The following AKAP6 variants were observed in gnomAD, a reference collection of about 807,000 sequenced individuals.
AKAP6 encodes A-kinase anchor protein 6.
In AKAP6, 58 loss-of-function variants were observed where a neutral mutation model predicts 188.5. The ratio of observed to expected loss-of-function variants is 0.31; its 90% CI spans 0.25 to 0.38. The LOEUF is 0.38. Among genes scored for constraint, AKAP6 ranks in the 10% least tolerant of loss-of-function variants. AKAP6 has a pLI of 1.00. For synonymous variants in AKAP6, 989 were observed against 998.6 expected (o/e 0.99, Z 0.18); for missense variants, 2,710 against 2,740.0 (o/e 0.99, Z 0.24).
chr14:32,819,166 C>T (rs1311959679), intron 12 of AKAP6, among the ~76,000 whole-genome samples: 1 of 152,100 alleles, frequency 6.6e-6, no homozygotes, highest in Non-Finnish European at 1.5e-5. Context: ...GTAACATTGG[C>T]AGTGGGAAAG....
intron 2 of AKAP6, among the ~76,000 whole-genome samples, chr14:32,510,449 TACATATATATGTGTATATATATATATAC>T (rs1881180132): frequency 1.9e-4 from 4 of 21,502 alleles, no homozygotes; most frequent in African/African-American, 8.9e-4. Context: ...TATATATATA[TACATATATATGTGTATATATATATATAC>T]ATATATATAT....
Position 32,546,095 on chromosome 14 carries a change from G to A in AKAP6, c.1442G>A (p.Ser481Asn), listed in dbSNP as rs1165691282. 6.2e-7 allele frequency: 1 copy of A among 1,614,158 alleles called. No individual in the cohort carries two copies. Among genetic ancestry groups the A allele is most frequent in the East Asian group, 2.2e-5 (1 of 44,882 alleles). Residue 481 changes from serine (S) to asparagine (N), a missense_variant, in exon 4 of 14, where the codon AGC becomes AAC. By Grantham distance (46) the Ser-to-Asn change is conservative. Around this residue, in one of 2 missense-constraint regions of AKAP6, gnomAD observed 2,473 missense variants for 2,426.1 expected, o/e 1.02. Transcript: ENST00000280979. ...TTTCACATTAAAGAAATTTCTTCCA[G>A]CCTGGGAAGGCTTAACGACTGCTAT... ...VKFHIKEISS[S>N]LGRLNDCYKE...
chr14:32,643,904 A>G (rs1173792937), intron 7 of AKAP6, among the ~76,000 whole-genome samples: 1 of 152,162 alleles, frequency 6.6e-6, no homozygotes, highest in Non-Finnish European at 1.5e-5. Context: ...TTAGGATTCA[A>G]TCTGTAGGCT....
At chr14:32,348,286 A>T (rs1275648493) in intron 1 of AKAP6, among the ~76,000 whole-genome samples, 1 of 152,226 alleles carries the variant, frequency 6.6e-6, no homozygotes, top group African/African-American at 2.4e-5. Context: ...CCAGTGTAAA[A>T]TTAGCACATT....
intron 11 of AKAP6, among the ~76,000 whole-genome samples, chr14:32,760,522 T>C (rs1050600144): frequency 1.3e-5 from 2 of 152,192 alleles, no homozygotes; most frequent in Non-Finnish European, 2.9e-5. Context: ...TTCTCAGATA[T>C]TCAAATAAAA....
At chr14:32,770,950 T>A (rs1299009277) in intron 11 of AKAP6, among the ~76,000 whole-genome samples, 1 of 152,192 alleles carries the variant, frequency 6.6e-6, no homozygotes, top group Non-Finnish European at 1.5e-5. Flanking sequence ...TTAGGTTACT[T>A]ACCTTGAGTT....
intron 7 of AKAP6, among the ~76,000 whole-genome samples, chr14:32,610,249 G>C (rs1886299482): frequency 6.6e-6 from 1 of 152,084 alleles, no homozygotes; most frequent in Non-Finnish European, 1.5e-5. Context: ...CAAGGGAAAG[G>C]ACAAACTTCT....
intron 9 of AKAP6, among the ~76,000 whole-genome samples, chr14:32,724,042 A>G (rs2030709886): frequency 6.7e-6 from 1 of 148,814 alleles, no homozygotes; most frequent in Non-Finnish European, 1.5e-5. Context: ...AAATCAACGA[A>G]CATTACAAAT....
intron 4 of AKAP6, among the ~76,000 whole-genome samples, chr14:32,570,097 AC>A (rs1884407711): frequency 8.1e-6 from 1 of 123,816 alleles, no homozygotes; most frequent in African/African-American, 3.0e-5. Context: ...ATTTGCTGCC[AC>A]CCCCTATATT....
chr14:32,689,157 G>A (rs932589661), intron 8 of AKAP6, among the ~76,000 whole-genome samples: 8 of 152,192 alleles, frequency 5.3e-5, no homozygotes, highest in African/African-American at 1.9e-4. Context: ...AATGTTTTCT[G>A]TTTCCCTGGC....
rs777993964 is a variant in AKAP6, at chr14:32,773,946, A to T, written c.3588+53A>T. 44 of 1,554,906 alleles carry T rather than the reference A, an allele frequency of 2.8e-5. No individual in the cohort carries two copies. The South Asian group carries it at 3.4e-4, about 12-fold the overall frequency. ...TGTCTGTCATTTTCTCAGACAAAAA[A>T]TAATTCTTTCAGGCTTGGAAACGGT... On this transcript the variant is annotated intron_variant, in intron 12 of 13. Transcript: ENST00000280979.
At chr14:32,445,051 T>G (rs976429680) in intron 2 of AKAP6, among the ~76,000 whole-genome samples, 1 of 152,216 alleles carries the variant, frequency 6.6e-6, no homozygotes, top group African/African-American at 2.4e-5. Flanking sequence ...AGTGCAGTGT[T>G]TACTTCTGTT....
At chr14:32,741,952 T>G (rs2031699567) in intron 11 of AKAP6, among the ~76,000 whole-genome samples, 1 of 151,660 alleles carries the variant, frequency 6.6e-6, no homozygotes, top group African/African-American at 2.4e-5. Context: ...GGATTGGTAT[T>G]AGTTTCTCTT....
chr14:32,527,635 T>A (rs1308249437), intron 2 of AKAP6, among the ~76,000 whole-genome samples: 1 of 152,236 alleles, frequency 6.6e-6, no homozygotes, highest in Admixed American at 6.5e-5. Context: ...ATTCTAATGA[T>A]TATGTAATGG....
rs1021545255 is a variant in AKAP6 at position 32,665,460 on chromosome 14, C to T, written c.2731-12851C>T. On this transcript the variant is annotated intron_variant, in intron 7 of 13. Transcript: ENST00000280979. The stretch of plus-strand genomic sequence containing the variant: ...GATACAGATGAAGAGATGCATAGGG[C>T]GAGAAATAGGGTAAGGGGCACAGGG... Among the ~76,000 whole-genome samples, 6 of 152,010 alleles carry T rather than the reference C, an allele frequency of 3.9e-5. No homozygotes were observed. In the East Asian group the frequency reaches 5.8e-4, roughly 15 times the overall value.
In AKAP6 at chr14:32,509,120, CTTTTTT is replaced by C. The variant is rs368423502; in HGVS notation, c.325-26415_325-26410del. Among the ~76,000 whole-genome samples, 679 of 94,766 alleles carry C rather than the reference CTTTTTT, an allele frequency of 7.2e-3. 5 individuals are homozygous for C. Among genetic ancestry groups the C allele is most frequent in the African/African-American group, 0.024 (575 of 23,790 alleles). The allele number at this position is 94,766 out of a possible 152,430, so 62.2% of individuals were successfully genotyped here. Reference sequence around the variant, plus strand: ...AGGCGTAAGCCACCATGCCCTGCCTCTTTTTTTTTTTTTTTTTTTTTTTTGAGAGAG... The same window carrying C: ...AGGCGTAAGCCACCATGCCCTGCCTCTTTTTTTTTTTTTTTTTTGAGAGAG... On this transcript the variant is annotated intron_variant, in intron 2 of 13. Coordinates refer to ENST00000280979, the MANE Select transcript of AKAP6 (RefSeq NM_004274.5).
chr14:32,464,782 A>G (rs926980232), intron 2 of AKAP6, among the ~76,000 whole-genome samples: 1 of 152,206 alleles, frequency 6.6e-6, no homozygotes, highest in African/African-American at 2.4e-5. Flanking sequence ...AGGGTATTCA[A>G]TTAGGAAATG....
At chr14:32,814,887 C>T (rs1176564395) in intron 12 of AKAP6, among the ~76,000 whole-genome samples, 2 of 152,158 alleles carry the variant, frequency 1.3e-5, no homozygotes, top group Non-Finnish European at 2.9e-5. Flanking sequence ...TGCCACCATG[C>T]CTGGGCAATC....
intron 2 of AKAP6, among the ~76,000 whole-genome samples, chr14:32,521,742 C>T (rs1206988469): frequency 1.3e-5 from 2 of 152,126 alleles, no homozygotes; most frequent in Admixed American, 6.5e-5. Context: ...GAATCAATAT[C>T]CTGAAAATGG....
Sources: allele counts gnomAD v4.1 joint callset (sites outside exome capture counted in the v4.1 genomes callset), GRCh38; gene constraint gnomAD v4.1.1; regional missense constraint gnomAD v4.1.1; transcripts MANE v1.5; gene names NCBI Gene and HGNC (gene_info 2026-07-23, HGNC 2026-07-21).